SLIT1: variants seen among roughly 807,000 people sequenced by gnomAD.
SLIT1 encodes slit homolog 1 protein.
A neutral mutation model predicts 186.1 loss-of-function variants in SLIT1; 66 were observed. The ratio of observed to expected loss-of-function variants is 0.35; its 90% CI spans 0.29 to 0.44. The LOEUF (loss-of-function observed/expected upper bound fraction) is 0.44, where lower values mean the gene tolerates loss of function less well. Among genes scored for constraint, SLIT1 ranks in the 20% least tolerant of loss-of-function variants. SLIT1 has a pLI of 1.00. For synonymous variants in SLIT1, 761 were observed against 833.8 expected (o/e 0.91, Z 1.50); for missense variants, 1,638 against 2,037.4 (o/e 0.80, Z 3.77).
chr10:97,103,589 A>T (rs1383803790), intron 4 of SLIT1: 1 of 152,236 alleles, frequency 6.6e-6, no homozygotes, highest in Non-Finnish European at 1.5e-5. Flanking sequence ...ATTTTAGCAC[A>T]TCTGAAAAGC....
rs533389233 is a variant in SLIT1, at chr10:97,035,416, C to T, written c.2367-874G>A. On this transcript the variant is annotated intron_variant, in intron 22 of 36. Transcript: ENST00000266058. ...CGCCCGCATCTTGTTCTCCCTACCA[C>T]GCCCCATCCCCCAGGCTCCAGCTCC... 1.1e-4 allele frequency among the ~76,000 whole-genome samples: 16 copies of T among 152,300 alleles called. No homozygotes were observed. The East Asian group carries it at 2.3e-3, about 22-fold the overall frequency.
At chr10:97,123,284 AGCACGCC>A (rs1196864851) in intron 4 of SLIT1, among the ~76,000 whole-genome samples, 14 of 152,366 alleles carry the variant, frequency 9.2e-5, no homozygotes, top group Admixed American at 8.5e-4. Context: ...ACCTTTTATC[AGCACGCC>A]ACAGTTTTGC....
chr10:97,058,010 A>G (rs533660976), intron 11 of SLIT1: 14 of 717,482 alleles, frequency 2.0e-5, no homozygotes, highest in Admixed American at 1.2e-4. Flanking sequence ...CATGGCTTCA[A>G]GGTCATTCCT....
At chr10:97,168,530 A>C (rs1375850740) in intron 1 of SLIT1, among the ~76,000 whole-genome samples, 2 of 152,240 alleles carry the variant, frequency 1.3e-5, no homozygotes, top group Non-Finnish European at 2.9e-5. Context: ...CCCTCCTTCC[A>C]CAACGTCATA....
In SLIT1 at chr10:97,004,639, G is replaced by C; in HGVS notation, c.3710+54C>G. On this transcript the variant is annotated intron_variant, in intron 33 of 36. Coordinates refer to ENST00000266058, the MANE Select transcript of SLIT1 (RefSeq NM_003061.3). This position sits in a 1 kb window ranked among gnomAD's most constrained non-coding sequence, Gnocchi z 5.1. ...ACCTGCTTTTGGCCCAGGAGACCTC[G>C]CCCTGGCAGTCCCGTACCCCTGAGG... The C allele has an allele frequency of 3.7e-6, 6 of 1,607,904 alleles. No homozygotes were observed. The South Asian group carries it at 6.6e-5, about 18-fold the overall frequency.
chr10:97,100,224 G>A (rs934486664), intron 4 of SLIT1, among the ~76,000 whole-genome samples: 2 of 152,104 alleles, frequency 1.3e-5, no homozygotes, highest in African/African-American at 4.8e-5. Flanking sequence ...GCTGGGACCC[G>A]GCATGCAGGG....
chr10:97,148,005 C>A (rs552854247), intron 4 of SLIT1, among the ~76,000 whole-genome samples: 2 of 152,318 alleles, frequency 1.3e-5, no homozygotes, highest in African/African-American at 4.8e-5. Context: ...TCTATTTTCT[C>A]CCATTTTCTA....
chr10:97,002,311 C>A lies in SLIT1; in HGVS notation c.4213G>T (p.Asp1405Tyr), dbSNP rs1477705121. The A allele has an allele frequency of 1.2e-6, 2 of 1,611,810 alleles. No individual in the cohort carries two copies. The highest frequency in any genetic ancestry group is 1.7e-6 in the Non-Finnish European group (2 of 1,179,516). ...TTGCACAGTGCCCCCGAGTACCCAT[C>A]CTGGCACTGGCAGCTGTAGGAAAGA... ...DALSYSCQCQ[D>Y]GYSGALCNQA... Residue 1405 changes from aspartate to tyrosine, a missense_variant, in exon 36 of 37, where the codon GAT (aspartate) becomes TAT (tyrosine). Coordinates refer to ENST00000266058, the MANE Select transcript of SLIT1 (RefSeq NM_003061.3).
intron 4 of SLIT1, among the ~76,000 whole-genome samples, chr10:97,136,545 G>C (rs533851359): frequency 2.6e-5 from 4 of 152,084 alleles, no homozygotes; most frequent in African/African-American, 9.7e-5. Context: ...ACAACAAAAA[G>C]CTTCAGGCTC....
intron 30 of SLIT1, among the ~76,000 whole-genome samples, chr10:97,013,314 C>T (rs1848426911): frequency 6.6e-6 from 1 of 152,208 alleles, no homozygotes; most frequent in Admixed American, 6.5e-5. Flanking sequence ...AGATGGGATG[C>T]TTTCCCGAGT....
At chr10:97,062,695 G>C (rs752006583) in intron 8 of SLIT1, among the ~76,000 whole-genome samples, 1 of 152,240 alleles carries the variant, frequency 6.6e-6, no homozygotes, top group Non-Finnish European at 1.5e-5. Flanking sequence ...AGGCAGGCCA[G>C]GCACAGCTGG....
intron 23 of SLIT1, 66 bp from the exon 24 acceptor site, chr10:97,031,743 G>T: frequency 1.5e-6 from 2 of 1,317,120 alleles, no homozygotes; most frequent in Non-Finnish European, 2.1e-6. Flanking sequence ...CACAGCCGCC[G>T]CCCAGGACGT....
intron 4 of SLIT1, among the ~76,000 whole-genome samples, chr10:97,156,037 G>A (rs942794559): frequency 7.9e-5 from 12 of 152,284 alleles, no homozygotes; most frequent in Middle Eastern, 3.4e-3. Context: ...TCTGCCTTTC[G>A]CAATCAAGTA....
At chr10:97,035,166 C>CA (rs1848627966) in intron 22 of SLIT1, among the ~76,000 whole-genome samples, 1 of 152,168 alleles carries the variant, frequency 6.6e-6, no homozygotes, top group Non-Finnish European at 1.5e-5. Flanking sequence ...TCCTCCGCTC[C>CA]CGACTGTCTT....
intron 21 of SLIT1, among the ~76,000 whole-genome samples, 166 bp from the exon 22 acceptor site, chr10:97,037,932 TG>T (rs1848655458): frequency 6.6e-6 from 1 of 152,080 alleles, no homozygotes; most frequent in Non-Finnish European, 1.5e-5. Context: ...ATATGTACGT[TG>T]TTGAAGCCAT....
At chr10:97,159,173 A>G (rs573810525) in intron 3 of SLIT1, among the ~76,000 whole-genome samples, 1 of 152,324 alleles carries the variant, frequency 6.6e-6, no homozygotes, top group South Asian at 2.1e-4. Context: ...GGGAAGGGGA[A>G]AAACTTAATT....
In SLIT1 at chr10:97,003,126, TCCAAG is replaced by T. The variant is rs1418289953; in HGVS notation, c.3866-139_3866-135del. On this transcript the variant is annotated intron_variant, in intron 34 of 36. Coordinates refer to ENST00000266058, the MANE Select transcript of SLIT1 (RefSeq NM_003061.3). Reference sequence around the variant, plus strand: ...CTGTCCTTCATCTCTGCAACCCTGATCCAAGGTCCTTTGCCACCTTGGAGGGCCCA... The same window carrying T: ...CTGTCCTTCATCTCTGCAACCCTGATGTCCTTTGCCACCTTGGAGGGCCCA... 3.6e-6 allele frequency: 3 copies of T among 829,456 alleles called. No individual in the cohort carries two copies. The African/African-American group carries it at 5.1e-5, about 14-fold the overall frequency. The allele number at this position is 829,456 out of a possible 1,614,324, so 51.4% of individuals were successfully genotyped here.
intron 4 of SLIT1, among the ~76,000 whole-genome samples, chr10:97,135,778 A>G (rs1259054855): frequency 2.6e-5 from 4 of 152,168 alleles, no homozygotes; most frequent in Non-Finnish European, 4.4e-5. Context: ...CGTTTCCGAA[A>G]AGGACAATGA....
At chr10:97,146,270 C>T (rs1428028688) in intron 4 of SLIT1, among the ~76,000 whole-genome samples, 1 of 152,182 alleles carries the variant, frequency 6.6e-6, no homozygotes, top group African/African-American at 2.4e-5. Flanking sequence ...CTAAAAATTA[C>T]AAATACAAAC....
Sources: gnomAD v4.1 joint callset for allele counts (sites outside exome capture counted in the v4.1 genomes callset) on GRCh38, gnomAD v4.1.1 for gene constraint, Gnocchi (gnomAD v3.1) non-coding constraint, MANE v1.5 for transcripts, NCBI Gene and HGNC (gene_info 2026-07-23, HGNC 2026-07-21) for gene names.